The following SUN3 variants were observed in gnomAD, a reference collection of about 807,000 sequenced individuals.
The protein encoded by SUN3 is SUN domain-containing protein 3.
A neutral mutation model predicts 48.2 loss-of-function variants in SUN3; 36 were observed. The ratio of observed to expected loss-of-function variants is 0.75; its 90% CI spans 0.57 to 0.99. SUN3 has a LOEUF of 0.99. Among genes scored for constraint, SUN3 ranks in the 50% least tolerant of loss-of-function variants. The probability of loss-of-function intolerance (pLI) is 0.00; values close to 1 mark genes in which losing one functional copy is unlikely to be tolerated. For missense variants in SUN3, 419 were observed against 433.1 expected (o/e 0.97, Z 0.29); for synonymous variants, 148 against 147.9 (o/e 1.00, Z 0.00).
intron 7 of SUN3, 88 bp from the exon 8 acceptor site, chr7:47,994,570 A>T: frequency 7.3e-7 from 1 of 1,363,682 alleles, no homozygotes; most frequent in Non-Finnish European, 9.8e-7. Context: ...TTGACTGCAG[A>T]TCTCTCTTAT....
chr7:48,003,901 T>C (rs1461094272), intron 6 of SUN3, among the ~76,000 whole-genome samples: 3 of 152,226 alleles, frequency 2.0e-5, no homozygotes, highest in Admixed American at 6.5e-5. Context: ...CCTTTATTTA[T>C]TTCTCTTGCC....
chr7:48,017,302 G>T lies in SUN3; in HGVS notation c.248C>A (p.Ala83Asp). The T allele has an allele frequency of 6.2e-7, 1 of 1,606,096 alleles. No homozygotes were observed. Among genetic ancestry groups the T allele is most frequent in the Non-Finnish European group, 8.5e-7 (1 of 1,174,354 alleles). ...DVPQKSRQLYAIIAEYGSRLY... is the reference protein window; with the variant it reads ...DVPQKSRQLYDIIAEYGSRLY... ...CCTTGAACCATATTCTGCAATTATG[G>T]CATATAATTGTCTGGATTTCTGAGG... The change falls in exon 3 of 10, where the codon GCC (alanine) becomes GAC (aspartate). Residue 83 changes from alanine (A) to aspartate (D), a missense_variant. Physicochemically the swap from Ala to Asp is moderately radical, Grantham distance 126 (BLOSUM62 -2). Transcript: ENST00000297325.
intron 8 of SUN3, among the ~76,000 whole-genome samples, chr7:47,992,359 C>A (rs1789091254): frequency 6.6e-6 from 1 of 152,106 alleles, no homozygotes; most frequent in African/African-American, 2.4e-5. Context: ...TTAATATATT[C>A]AGAAGCATAA....
At chr7:47,996,991 A>T (rs1245219381) in intron 6 of SUN3, among the ~76,000 whole-genome samples, 1 of 151,828 alleles carries the variant, frequency 6.6e-6, no homozygotes, top group Non-Finnish European at 1.5e-5. Context: ...TAGTAGAGAC[A>T]GGGTTTCACC....
chr7:48,019,416 A>C (rs1034407706), intron 2 of SUN3, among the ~76,000 whole-genome samples: 1 of 152,192 alleles, frequency 6.6e-6, no homozygotes, highest in African/African-American at 2.4e-5. Flanking sequence ...AACCAACCCC[A>C]AAATGAGTAG....
chr7:47,988,759 C>T (rs1287089368), intron 9 of SUN3, 29 bp downstream of exon 9: 2 of 1,395,318 alleles, frequency 1.4e-6, no homozygotes, highest in East Asian at 2.3e-5. Flanking sequence ...GATAGAGCTA[C>T]TCATATCATT....
intron 6 of SUN3, among the ~76,000 whole-genome samples, chr7:47,999,555 C>G (rs1324166146): frequency 6.6e-6 from 1 of 151,916 alleles, no homozygotes; most frequent in Non-Finnish European, 1.5e-5. Context: ...TCTTTTGAAA[C>G]TGAGTCTTGC....
Position 47,987,255 on chromosome 7 carries a change from G to A in SUN3, c.*75C>T. On this transcript the variant is annotated 3_prime_UTR_variant, in exon 10 of 10. Transcript: ENST00000297325. ...CCACTCCCAATTCTCAATTCCTATG[G>A]GTGCGGTATCATCTAAGAGAATAAG... 6.9e-7 allele frequency: 1 copy of A among 1,445,228 alleles called. No homozygotes were observed. The highest frequency in any genetic ancestry group is 9.2e-7 in the Non-Finnish European group (1 of 1,083,476). The allele number at this position is 1,445,228 out of a possible 1,614,324, so 89.5% of individuals were successfully genotyped here.
rs771495220 is a variant in SUN3 at position 48,025,932 on chromosome 7, AG to A, written c.128del (p.Thr43IlefsTer8). ...TACTTAGAATAATCTTCCATGATCG[AG>A]TTACCCTAAAAGAATAAAAACAATG... ...EDENPDANGV[T>X]RSWKIILSTM... On this transcript the variant is annotated frameshift_variant, in exon 2 of 10. Coordinates refer to ENST00000297325, the MANE Select transcript of SUN3 (RefSeq NM_001030019.2). LOFTEE classifies it high-confidence loss of function. 6.3e-7 allele frequency: 1 copy of A among 1,595,588 alleles called. No individual in the cohort carries two copies. Among genetic ancestry groups the A allele is most frequent in the African/African-American group, 1.3e-5 (1 of 74,742 alleles).
intron 3 of SUN3, among the ~76,000 whole-genome samples, chr7:48,010,579 C>T (rs936669813): frequency 2.0e-5 from 3 of 152,164 alleles, no homozygotes; most frequent in Non-Finnish European, 2.9e-5. Flanking sequence ...AATCAATTCC[C>T]TTGGGTTTAA....
chr7:47,996,212 A>AT, intron 6 of SUN3, 66 bp from the exon 7 acceptor site: 1 of 884,402 alleles, frequency 1.1e-6, no homozygotes, highest in Non-Finnish European at 1.7e-6. Flanking sequence ...CATCATTTGA[A>AT]TTTTAACAAT....
intron 2 of SUN3, among the ~76,000 whole-genome samples, chr7:48,022,408 TA>T (rs746530638): frequency 2.0e-5 from 3 of 152,034 alleles, no homozygotes; most frequent in Non-Finnish European, 4.4e-5. Context: ...TTAAAATAAC[TA>T]AAAGATTGTA....
intron 8 of SUN3, chr7:47,991,122 G>T (rs189429360): frequency 2.1e-4 from 93 of 438,190 alleles, no homozygotes; most frequent in Non-Finnish European, 3.6e-4. Flanking sequence ...TGGCCATGCT[G>T]CCCAGGCTGG....
intron 3 of SUN3, among the ~76,000 whole-genome samples, chr7:48,013,420 T>C (rs1789732768): frequency 6.6e-6 from 1 of 152,214 alleles, no homozygotes; most frequent in African/African-American, 2.4e-5. Context: ...AGGCGATATA[T>C]CCAGCTTTTT....
intron 6 of SUN3, among the ~76,000 whole-genome samples, chr7:47,996,876 A>C (rs1322199107): frequency 7.0e-6 from 1 of 143,250 alleles, no homozygotes; most frequent in East Asian, 2.0e-4. Context: ...ATCTTGGCTC[A>C]CTGCAACCTC....
At chr7:47,996,993 G>C in intron 6 of SUN3, among the ~76,000 whole-genome samples, 1 of 151,786 alleles carries the variant, frequency 6.6e-6, no homozygotes, top group South Asian at 2.1e-4. Context: ...GTAGAGACAG[G>C]GTTTCACCAT....
intron 2 of SUN3, among the ~76,000 whole-genome samples, chr7:48,022,822 A>T (rs1790036351): frequency 6.6e-6 from 1 of 152,056 alleles, no homozygotes; most frequent in Non-Finnish European, 1.5e-5. Flanking sequence ...TTATCACCTG[A>T]TTTTTTTCTT....
Position 48,009,033 on chromosome 7 carries a change from A to G in SUN3, c.329+2T>C, listed in dbSNP as rs766426034. ...AGGCATATAGCAAAAGATCGCACTCACTTTAAAAGTTCCAGTTGCTCTTTA... is the reference window on the plus strand; with the variant it reads ...AGGCATATAGCAAAAGATCGCACTCGCTTTAAAAGTTCCAGTTGCTCTTTA... On this transcript the variant is annotated splice_donor_variant, in intron 4 of 9. Coordinates refer to ENST00000297325, the MANE Select transcript of SUN3 (RefSeq NM_001030019.2). LOFTEE classifies it high-confidence loss of function. 9.3e-6 allele frequency: 15 copies of G among 1,611,754 alleles called. No homozygotes were observed. In the East Asian group the frequency reaches 3.3e-4, roughly 36 times the overall value.
intron 6 of SUN3, among the ~76,000 whole-genome samples, chr7:48,004,094 T>G (rs896621416): frequency 1.6e-4 from 25 of 152,208 alleles, no homozygotes; most frequent in African/African-American, 5.5e-4. Context: ...ACTGGTATCT[T>G]TTCATTCATT....
Sources: gnomAD v4.1 joint callset for allele counts (sites outside exome capture counted in the v4.1 genomes callset) on GRCh38, gnomAD v4.1.1 for gene constraint, MANE v1.5 for transcripts, NCBI Gene and HGNC (gene_info 2026-07-23, HGNC 2026-07-21) for gene names.